The following COG6 variants were observed in gnomAD, a reference collection of about 807,000 sequenced individuals.
COG6 encodes the protein component of oligomeric golgi complex 6, also known as conserved oligomeric Golgi complex subunit 6.
A neutral mutation model predicts 88.8 loss-of-function variants in COG6; 74 were observed. The observed-to-expected ratio is 0.83, with a 90% CI of 0.69 to 1.01. The LOEUF is 1.01. COG6 is among the 50% of genes least tolerant of loss of function. The pLI is 0.00. For missense variants in COG6, 800 were observed against 797.9 expected (o/e 1.00, Z -0.03); for synonymous variants, 286 against 278.7 (o/e 1.03, Z -0.26).
intron 18 of COG6, among the ~76,000 whole-genome samples, chr13:39,766,201 T>A (rs1279594320): frequency 5.9e-5 from 9 of 152,216 alleles, no homozygotes; most frequent in Admixed American, 5.2e-4. Context: ...TGTTGAGTCA[T>A]GACTCCCAGC....
chr13:39,742,012 A>C (rs1880070562), intron 18 of COG6, among the ~76,000 whole-genome samples: 1 of 152,204 alleles, frequency 6.6e-6, no homozygotes, highest in South Asian at 2.1e-4. Flanking sequence ...TAAGCTTCAT[A>C]AGTGAAGGAG....
intron 15 of COG6, among the ~76,000 whole-genome samples, chr13:39,721,988 T>C (rs1878873766): frequency 6.6e-6 from 1 of 152,102 alleles, no homozygotes. Flanking sequence ...AACCTTTCTT[T>C]TGCTTAGTAA....
chr13:39,705,481 C>T (rs1877840948), intron 13 of COG6, among the ~76,000 whole-genome samples: 1 of 151,976 alleles, frequency 6.6e-6, no homozygotes. Context: ...GAATATGCAT[C>T]TATACTGCAA....
chr13:39,694,575 T>C (rs1877155291), intron 11 of COG6, 59 bp from the exon 12 acceptor site: 4 of 1,030,418 alleles, frequency 3.9e-6, no homozygotes, highest in Non-Finnish European at 6.1e-6. Context: ...CATATGTTAT[T>C]AATGAAAAAA....
Position 39,723,431 on chromosome 13 carries a change from A to G in COG6, c.1683A>G (p.Lys561=). 1 of 1,574,788 alleles carries G rather than the reference A, an allele frequency of 6.4e-7. No individual in the cohort carries two copies. The highest frequency in any genetic ancestry group is 8.7e-7 in the Non-Finnish European group (1 of 1,144,534). The change falls in exon 16 of 19, where the codon AAA becomes AAG. Residue 561 remains lysine (K), a synonymous_variant. Coordinates refer to ENST00000455146, the MANE Select transcript of COG6 (RefSeq NM_020751.3). The stretch of plus-strand genomic sequence containing the variant: ...TCTATAACACTGTACAGCAACATAA[A>G]CCTGAACAGGTAAGTGCATAGATGT... The part of the protein sequence containing the change: ...SYIYNTVQQH[K]PEQGSLANMP...
chr13:39,707,939 T>A (rs1400131245), intron 13 of COG6, among the ~76,000 whole-genome samples: 1 of 152,198 alleles, frequency 6.6e-6, no homozygotes, highest in Non-Finnish European at 1.5e-5. Context: ...TAAGATTGAT[T>A]AGCTTTACTA....
Position 39,664,862 on chromosome 13 carries a change from C to A in COG6, c.370-234C>A, listed in dbSNP as rs548968148. On this transcript the variant is annotated intron_variant, in intron 3 of 18. Transcript: ENST00000455146. ...AACTATTAAGTTCCTTTGTCAGTAT[C>A]TGGATACCTTTTTCTTTCTTGTAAG... Among the ~76,000 whole-genome samples the A allele has an allele frequency of 9.9e-5, 15 of 152,250 alleles. No homozygotes were observed. The South Asian group carries it at 3.1e-3, about 32-fold the overall frequency.
chr13:39,754,661 A>AT (rs561998883), downstream of COG6, among the ~76,000 whole-genome samples: 3 of 151,978 alleles, frequency 2.0e-5, no homozygotes, highest in African/African-American at 4.8e-5. Flanking sequence ...TATGAGAGCT[A>AT]TTTTTTTTCA....
intron 18 of COG6, among the ~76,000 whole-genome samples, chr13:39,787,132 A>C (rs1342764442): frequency 6.6e-6 from 1 of 152,066 alleles, no homozygotes; most frequent in Non-Finnish European, 1.5e-5. Flanking sequence ...TCATGCTGTG[A>C]ACTATAATGA....
intron 8 of COG6, chr13:39,682,524 T>C: frequency 2.7e-6 from 1 of 372,094 alleles, no homozygotes; most frequent in South Asian, 3.0e-5. Flanking sequence ...AGAGGTTCAG[T>C]GACTTTTCCC....
chr13:39,656,995 A>C, intron 1 of COG6: 1 of 418,636 alleles, frequency 2.4e-6, no homozygotes, highest in Non-Finnish European at 4.7e-6. Flanking sequence ...GATATTTATT[A>C]TATCATTTAA....
chr13:39,724,503 A>C lies in COG6; in HGVS notation c.1693-5A>C. 6.9e-7 allele frequency: 1 copy of C among 1,441,404 alleles called. No homozygotes were observed. 89.3% of individuals were successfully genotyped at this position (1,441,404 alleles called of 1,614,324 possible). The stretch of plus-strand genomic sequence containing the variant: ...ATCTGCTTTTTTTTTTTTTTTTTTA[A>C]ATAGGGCTCTTTAGCTAATATGCCC... On this transcript the variant is annotated splice_region_variant and splice_polypyrimidine_tract_variant and intron_variant, in intron 16 of 18. Coordinates refer to ENST00000455146, the MANE Select transcript of COG6 (RefSeq NM_020751.3).
intron 1 of COG6, among the ~76,000 whole-genome samples, chr13:39,658,298 C>G (rs1489335864): frequency 6.6e-6 from 1 of 151,772 alleles, no homozygotes; most frequent in African/African-American, 2.4e-5. Flanking sequence ...CACATGCCAC[C>G]ATACCTGGCT....
In COG6 at chr13:39,682,194, G is replaced by C. The variant is rs762970243; in HGVS notation, c.718G>C (p.Glu240Gln). ...AGGTGAATGCAGAACATTGACACAA[G>C]AATCATGTGACGTATCTCCAGTATT... ...AQSECRTLTQ[E>Q]SCDVSPVLTQ... The change falls in exon 8 of 19, where the codon GAA becomes CAA. Residue 240 changes from glutamate (E) to glutamine (Q), a missense_variant. Glu to Gln is a conservative substitution (Grantham distance 29). Coordinates refer to ENST00000455146, the MANE Select transcript of COG6 (RefSeq NM_020751.3). 3 of 1,611,602 alleles carry C rather than the reference G, an allele frequency of 1.9e-6. No homozygotes were observed. The highest frequency in any genetic ancestry group is 2.5e-6 in the Non-Finnish European group (3 of 1,178,012).
At chr13:39,733,053 A>C (rs1258159253) in intron 18 of COG6, among the ~76,000 whole-genome samples, 1 of 152,092 alleles carries the variant, frequency 6.6e-6, no homozygotes. Context: ...TAAAAACGTC[A>C]ACTTTAAATG....
intron 10 of COG6, among the ~76,000 whole-genome samples, chr13:39,688,009 G>C (rs1876765262): frequency 6.6e-6 from 1 of 152,152 alleles, no homozygotes; most frequent in Non-Finnish European, 1.5e-5. Flanking sequence ...CAACTGTTCA[G>C]TTTTATAGTG....
chr13:39,739,850 G>A (rs1030773189), intron 18 of COG6, among the ~76,000 whole-genome samples: 1 of 151,972 alleles, frequency 6.6e-6, no homozygotes, highest in Non-Finnish European at 1.5e-5. Flanking sequence ...TTAAATGTCT[G>A]TACCAAAAAC....
chr13:39,780,375 A>G (rs1379883633), intron 18 of COG6, among the ~76,000 whole-genome samples: 5 of 152,178 alleles, frequency 3.3e-5, no homozygotes, highest in Non-Finnish European at 1.5e-5. Flanking sequence ...TCTAAATGTT[A>G]CCCTCAGGCA....
rs144745377 is a variant in COG6, at chr13:39,719,428, AATTCTGGAATTTTGTAATTC to A, written c.1416+64_1416+83del. ...GCTCTTCTATTGTACACTGTGTTTC[AATTCTGGAATTTTGTAATTC>A]ATATACTTTGACAGTCTCTTTCTTA... On this transcript the variant is annotated intron_variant, in intron 14 of 18. Coordinates refer to ENST00000455146, the MANE Select transcript of COG6 (RefSeq NM_020751.3). 3.1e-3 allele frequency: 4,772 copies of A among 1,527,174 alleles called. 127 individuals carry two copies. In the African/African-American group the frequency reaches 0.058, roughly 19 times the overall value. 94.6% of individuals were successfully genotyped at this position (1,527,174 alleles called of 1,614,324 possible). A position where few individuals can be genotyped will look rare whatever the true frequency, so the allele number is the denominator to read the frequency against.
Sources: allele counts gnomAD v4.1 joint callset (sites outside exome capture counted in the v4.1 genomes callset), GRCh38; gene constraint gnomAD v4.1.1; transcripts MANE v1.5; gene names NCBI Gene and HGNC (gene_info 2026-07-23, HGNC 2026-07-21).